The following EYS variants were observed in gnomAD, a reference collection of about 807,000 sequenced individuals.
The protein encoded by EYS is EGF-like photoreceptor maintenance factor, also known as protein eyes shut homolog.
In EYS, 250 loss-of-function variants were observed where a neutral mutation model predicts 282.1. The ratio of observed to expected loss-of-function variants is 0.89; its 90% CI spans 0.80 to 0.98. The LOEUF is 0.98. Ranked by LOEUF, EYS falls within the 50% of genes least tolerant of loss-of-function variation. The pLI, the probability that EYS is intolerant of heterozygous loss-of-function variation, is 0.00. For synonymous variants in EYS, 1,355 were observed against 1,282.9 expected, an observed-to-expected ratio of 1.06 and a Z score of -1.20; for missense variants, 4,016 against 3,709.0, an observed-to-expected ratio of 1.08 and a Z score of -2.15.
chr6:64,525,032 C>A (rs1389808124), intron 26 of EYS, among the ~76,000 whole-genome samples: 1 of 151,764 alleles, frequency 6.6e-6, no homozygotes, highest in Non-Finnish European at 1.5e-5. Flanking sequence ...ACAACAGATG[C>A]TGGTGAGGTT....
intron 26 of EYS, among the ~76,000 whole-genome samples, chr6:64,449,300 TAG>T (rs751922981): frequency 2.6e-5 from 4 of 151,454 alleles, no homozygotes; most frequent in South Asian, 2.1e-4. Flanking sequence ...AAGAAAAGGT[TAG>T]AGAAAAAAAA....
intron 23 of EYS, among the ~76,000 whole-genome samples, chr6:64,625,240 A>C (rs541321241): frequency 6.6e-6 from 1 of 152,308 alleles, no homozygotes; most frequent in South Asian, 2.1e-4. Context: ...CATGATCAAC[A>C]ATCACTTATA....
rs371351097 is a variant in EYS, at chr6:65,457,422, T to C, written c.862+33172A>G. On this transcript the variant is annotated intron_variant, in intron 5 of 42. Transcript: ENST00000503581. ...TCAAGCAATCCTTCCACCTCAGCCT[T>C]CCTAAGTGCTAGAATTATAGATGTG... Among the ~76,000 whole-genome samples, 8 of 152,110 alleles carry C rather than the reference T, an allele frequency of 5.3e-5. No homozygotes were observed. In the East Asian group the frequency reaches 1.6e-3, roughly 30 times the overall value.
chr6:64,256,372 G>A (rs1767400265), intron 30 of EYS, among the ~76,000 whole-genome samples: 1 of 151,980 alleles, frequency 6.6e-6, no homozygotes, highest in Non-Finnish European at 1.5e-5. Context: ...GATTTTAGAT[G>A]TAGGAGTAAG....
intron 2 of EYS, among the ~76,000 whole-genome samples, chr6:65,548,182 A>G (rs1218861950): frequency 6.6e-6 from 1 of 151,986 alleles, no homozygotes; most frequent in Non-Finnish European, 1.5e-5. Flanking sequence ...TCTACAAATA[A>G]GTAATGTGAC....
intron 26 of EYS, among the ~76,000 whole-genome samples, chr6:64,584,545 A>G (rs12196601): frequency 0.22 from 33,451 of 151,890 alleles, 4,162 homozygotes; most frequent in Admixed American, 0.33. Context: ...CTCCACTGTG[A>G]CTTTCCTAAT....
intron 31 of EYS, among the ~76,000 whole-genome samples, chr6:64,201,960 G>A (rs1468837379): frequency 6.6e-6 from 1 of 152,176 alleles, no homozygotes; most frequent in African/African-American, 2.4e-5. Flanking sequence ...GTGCAGGTTA[G>A]TGAACATGCT....
At position 64,405,200 on chromosome 6, in the gene EYS, T is replaced by C. The variant is rs117477946; in HGVS notation, c.5928-16360A>G. 3.5e-4 allele frequency among the ~76,000 whole-genome samples: 54 copies of C among 152,238 alleles called. No individual in the cohort carries two copies. The East Asian group carries it at 7.9e-3, about 22-fold the overall frequency. On this transcript the variant is annotated intron_variant, in intron 28 of 42. Transcript: ENST00000503581. ...TTTCACATCCATGAAGTGACATGTC[T>C]AAAGTTATTGCTAAAAATGTATATC...
intron 28 of EYS, among the ~76,000 whole-genome samples, chr6:64,431,078 A>C (rs1160690496): frequency 6.6e-6 from 1 of 152,120 alleles, no homozygotes; most frequent in Non-Finnish European, 1.5e-5. Context: ...CCAGGAGCAA[A>C]GACCTTGACT....
At chr6:64,768,101 A>G (rs1773410102) in intron 22 of EYS, among the ~76,000 whole-genome samples, 1 of 152,170 alleles carries the variant, frequency 6.6e-6, no homozygotes, top group Admixed American at 6.6e-5. Context: ...AACATGAAAT[A>G]AAATTTAAAT....
At chr6:65,571,844 G>T (rs909706776) in intron 2 of EYS, among the ~76,000 whole-genome samples, 7 of 151,742 alleles carry the variant, frequency 4.6e-5, no homozygotes, top group Non-Finnish European at 1.0e-4. Flanking sequence ...ATGGATATAG[G>T]GTTTAATACA....
intron 15 of EYS, among the ~76,000 whole-genome samples, chr6:64,925,318 A>G (rs1043885400): frequency 1.3e-5 from 2 of 152,164 alleles, no homozygotes; most frequent in East Asian, 3.9e-4. Context: ...CCCACAATAC[A>G]TGGGAATTCT....
chr6:64,448,617 G>A (rs1053341575), intron 26 of EYS, among the ~76,000 whole-genome samples: 1 of 152,170 alleles, frequency 6.6e-6, no homozygotes, highest in Admixed American at 6.5e-5. Flanking sequence ...AGTAGGGGCG[G>A]ACTGACATCT....
chr6:64,239,238 G>T (rs1251153617), intron 30 of EYS, among the ~76,000 whole-genome samples: 2 of 152,136 alleles, frequency 1.3e-5, no homozygotes, highest in African/African-American at 4.8e-5. Flanking sequence ...CTTTATAGTA[G>T]AATGATTTAT....
At chr6:64,017,082 C>T (rs1768929223) in intron 33 of EYS, among the ~76,000 whole-genome samples, 1 of 151,862 alleles carries the variant, frequency 6.6e-6, no homozygotes, top group Admixed American at 6.6e-5. Context: ...TCATATCCAT[C>T]ACTAGGACTG....
intron 29 of EYS, among the ~76,000 whole-genome samples, chr6:64,356,128 G>T (rs1419658223): frequency 6.6e-6 from 1 of 151,362 alleles, no homozygotes; most frequent in East Asian, 2.0e-4. Flanking sequence ...AATTACATGT[G>T]GGGGGCTTGG....
intron 19 of EYS, among the ~76,000 whole-genome samples, chr6:64,825,344 A>G (rs966289767): frequency 6.6e-6 from 1 of 151,852 alleles, no homozygotes; most frequent in African/African-American, 2.4e-5. Flanking sequence ...AGATGTATTC[A>G]TCTTTTTTTT....
chr6:64,814,137 TC>T (rs1314654202), intron 21 of EYS, among the ~76,000 whole-genome samples: 1 of 152,060 alleles, frequency 6.6e-6, no homozygotes, highest in Non-Finnish European at 1.5e-5. Context: ...TACCTACTTT[TC>T]CCCATGCATT....
At chr6:64,338,859 A>G (rs1028079028) in intron 29 of EYS, among the ~76,000 whole-genome samples, 4 of 152,064 alleles carry the variant, frequency 2.6e-5, no homozygotes, top group Non-Finnish European at 5.9e-5. Context: ...TCTTCAACAA[A>G]GCAAACAAAA....
Sources: allele counts gnomAD v4.1 joint callset (sites outside exome capture counted in the v4.1 genomes callset), GRCh38; gene constraint gnomAD v4.1.1; transcripts MANE v1.5; gene names NCBI Gene and HGNC (gene_info 2026-07-23, HGNC 2026-07-21).